Variants in FAM185A observed in about 807,000 individuals in gnomAD.
FAM185A encodes protein FAM185A.
Under a neutral mutation model 45.7 loss-of-function variants are expected in FAM185A, and 21 were observed. The observed-to-expected ratio is 0.46, with a 90% confidence interval of 0.33 to 0.66. The LOEUF is 0.66. Among genes scored for constraint, FAM185A ranks in the 30% least tolerant of loss-of-function variants. The pLI, the probability that FAM185A is intolerant of heterozygous loss-of-function variation, is 0.03. For synonymous variants in FAM185A, 117 were observed against 194.0 expected (o/e 0.60, Z 3.30); for missense variants, 305 against 485.4 (o/e 0.63, Z 3.49).
chr7:102,785,702 C>T (rs188298101), intron 6 of FAM185A, among the ~76,000 whole-genome samples: 8 of 151,610 alleles, frequency 5.3e-5, no homozygotes, highest in African/African-American at 1.2e-4. Context: ...AAGACTTAAA[C>T]GTTAGACCTA....
chr7:102,807,544 TCA>T (rs770419299), intron 7 of FAM185A, among the ~76,000 whole-genome samples: 2 of 150,148 alleles, frequency 1.3e-5, no homozygotes, highest in Non-Finnish European at 1.5e-5. Flanking sequence ...TCTCCAATAT[TCA>T]AAAAAAAAAA....
At chr7:102,814,485 A>G in the FAM185A span, 1 of 152,240 alleles carries the variant, frequency 6.6e-6, no homozygotes, top group African/African-American at 2.4e-5. Flanking sequence ...CATAGAGATA[A>G]CAGTTTAAAA....
the FAM185A span, among the ~76,000 whole-genome samples, chr7:102,828,442 A>C: frequency 1.4e-4 from 21 of 152,318 alleles, no homozygotes; most frequent in Middle Eastern, 3.4e-3. Flanking sequence ...ATTTCCAAAC[A>C]TGTTAGCCAG....
chr7:102,813,438 G>T, downstream of FAM185A: 1 of 1,614,102 alleles, frequency 6.2e-7, no homozygotes, highest in Non-Finnish European at 8.5e-7. Flanking sequence ...CTGTAACAGG[G>T]TTTCCTTCCC....
chr7:102,784,939 G>A (rs559671635), intron 6 of FAM185A, among the ~76,000 whole-genome samples: 53 of 152,040 alleles, frequency 3.5e-4, no homozygotes, highest in South Asian at 6.2e-4. Context: ...AAACCCCATC[G>A]TCTCAGCCCA....
At chr7:102,813,682 G>C (rs1348713778), downstream of FAM185A, 30 of 748,540 alleles carry the variant, frequency 4.0e-5, no homozygotes, top group Middle Eastern at 3.8e-4. Flanking sequence ...GAGGATATGG[G>C]TAAGTGTACA....
At chr7:102,796,541 C>G (rs1339033232) in intron 7 of FAM185A, among the ~76,000 whole-genome samples, 1 of 152,220 alleles carries the variant, frequency 6.6e-6, no homozygotes, top group Non-Finnish European at 1.5e-5. Flanking sequence ...TTAGTTCAGC[C>G]TGTACCTAGA....
At chr7:102,850,455 T>A in the FAM185A span, among the ~76,000 whole-genome samples, 1 of 152,234 alleles carries the variant, frequency 6.6e-6, no homozygotes, top group Non-Finnish European at 1.5e-5. Context: ...CTGATCACCA[T>A]ATGAGAAATA....
the FAM185A span, among the ~76,000 whole-genome samples, chr7:102,843,449 A>C: frequency 9.9e-3 from 1,503 of 152,030 alleles, 22 homozygotes; most frequent in African/African-American, 0.034. Context: ...AAAAACAAAA[A>C]CAAAAACAAA....
At chr7:102,816,470 C>T in the FAM185A span, among the ~76,000 whole-genome samples, 2 of 152,196 alleles carry the variant, frequency 1.3e-5, no homozygotes, top group African/African-American at 4.8e-5. Context: ...TAGCTGTCCT[C>T]ACCACCTTTG....
the FAM185A span, among the ~76,000 whole-genome samples, chr7:102,820,078 C>A: frequency 6.6e-6 from 1 of 152,322 alleles, no homozygotes; most frequent in Admixed American, 6.5e-5. Flanking sequence ...AGTCCAAACA[C>A]TGGGACTCTC....
At chr7:102,788,368 G>C (rs1397412690) in intron 7 of FAM185A, among the ~76,000 whole-genome samples, 2 of 152,154 alleles carry the variant, frequency 1.3e-5, no homozygotes, top group Non-Finnish European at 2.9e-5. Flanking sequence ...ATTAGACCGT[G>C]TATAGGGATG....
chr7:102,749,290 G>C lies in FAM185A; in HGVS notation c.83G>C (p.Arg28Pro). Residue 28 changes from arginine (R) to proline (P), a missense_variant, in exon 1 of 8, where the codon CGC becomes CCC. Around this residue, in one of 5 missense-constraint regions of FAM185A, gnomAD observed 174 missense variants for 247.1 expected, o/e 0.70. Coordinates refer to ENST00000413034, the MANE Select transcript of FAM185A (RefSeq NM_001145268.2). ...GTCCGACTGTGGGCTGGCGCTGGGC[G>C]CTGGGCTTGCTGGGCTTGCCAAGCC... ...RQVRLWAGAG[R>P]WACWACQARP... The C allele has an allele frequency of 6.5e-7, 1 of 1,549,820 alleles. No homozygotes were observed. The highest frequency in any genetic ancestry group is 8.7e-7 in the Non-Finnish European group (1 of 1,146,748).
At chr7:102,842,709 G>C in the FAM185A span, among the ~76,000 whole-genome samples, 2 of 152,228 alleles carry the variant, frequency 1.3e-5, no homozygotes, top group African/African-American at 2.4e-5. Flanking sequence ...TGACTGGACT[G>C]TTGCTGAATG....
chr7:102,807,363 T>C (rs1284419860), intron 7 of FAM185A, among the ~76,000 whole-genome samples: 1 of 152,208 alleles, frequency 6.6e-6, no homozygotes, highest in Non-Finnish European at 1.5e-5. Context: ...TAGTTTATCT[T>C]GTCAGTTATA....
intron 6 of FAM185A, among the ~76,000 whole-genome samples, chr7:102,777,971 CAT>C (rs1795169843): frequency 6.6e-6 from 1 of 152,204 alleles, no homozygotes; most frequent in Non-Finnish European, 1.5e-5. Context: ...TGGATGTACA[CAT>C]ATGTGTTGAC....
At chr7:102,763,679 A>G (rs1265644394) in intron 4 of FAM185A, among the ~76,000 whole-genome samples, 1 of 152,202 alleles carries the variant, frequency 6.6e-6, no homozygotes, top group East Asian at 1.9e-4. Flanking sequence ...TTTGCTAGGT[A>G]ATTCCCAAAG....
At chr7:102,833,593 A>ATT in the FAM185A span, among the ~76,000 whole-genome samples, 7 of 148,442 alleles carry the variant, frequency 4.7e-5, no homozygotes, top group African/African-American at 1.5e-4. Flanking sequence ...CGCCCGGCTA[A>ATT]TTCTTTTTTT....
At chr7:102,758,435 T>A (rs1793904039) in intron 3 of FAM185A, among the ~76,000 whole-genome samples, 6 of 120,688 alleles carry the variant, frequency 5.0e-5, no homozygotes, top group South Asian at 2.5e-4. Context: ...AGCTTTTTTT[T>A]TTTTTTTTTT....
Sources: gnomAD v4.1 joint callset for allele counts (sites outside exome capture counted in the v4.1 genomes callset) on GRCh38, gnomAD v4.1.1 for gene constraint, gnomAD v4.1.1 regional missense constraint, MANE v1.5 for transcripts, NCBI Gene and HGNC (gene_info 2026-07-23, HGNC 2026-07-21) for gene names.